Variants in CACNB4 observed in about 807,000 individuals in gnomAD.
CACNB4 encodes calcium voltage-gated channel auxiliary subunit beta 4, also known as voltage-dependent L-type calcium channel subunit beta-4.
CACNB4 carries 32 observed loss-of-function variants against 71.2 expected under a neutral mutation model. The ratio of observed to expected loss-of-function variants is 0.45; its 90% CI spans 0.34 to 0.60. CACNB4 has a LOEUF of 0.60. CACNB4 is among the 20% of genes least tolerant of loss of function. CACNB4 has a pLI of 0.01. For missense variants in CACNB4, 464 were observed against 647.9 expected (o/e 0.72, Z 3.08); for synonymous variants, 231 against 236.9 (o/e 0.97, Z 0.23).
At chr2:151,911,492 T>C (rs770702178) in intron 2 of CACNB4, among the ~76,000 whole-genome samples, 2 of 152,200 alleles carry the variant, frequency 1.3e-5, no homozygotes, top group Non-Finnish European at 2.9e-5. Flanking sequence ...GACTTGCGTA[T>C]GTTGAACCAG....
At chr2:151,956,472 G>A (rs1400069339) in intron 2 of CACNB4, among the ~76,000 whole-genome samples, 4 of 152,204 alleles carry the variant, frequency 2.6e-5, no homozygotes, top group East Asian at 1.9e-4. Flanking sequence ...CCCAATGTAC[G>A]AAATATCCAG....
intron 2 of CACNB4, among the ~76,000 whole-genome samples, chr2:151,954,246 C>T (rs555498732): frequency 1.3e-5 from 2 of 152,256 alleles, no homozygotes; most frequent in African/African-American, 4.8e-5. Context: ...CAAAGGAGAC[C>T]GTCCTATTCC....
intron 2 of CACNB4, among the ~76,000 whole-genome samples, chr2:151,918,941 C>A (rs758318393): frequency 6.6e-6 from 1 of 152,168 alleles, no homozygotes; most frequent in Non-Finnish European, 1.5e-5. Context: ...TCACTGAAAG[C>A]CTTCCTAAAT....
At chr2:152,082,223 T>C (rs1454118186) in intron 2 of CACNB4, among the ~76,000 whole-genome samples, 1 of 152,232 alleles carries the variant, frequency 6.6e-6, no homozygotes, top group Non-Finnish European at 1.5e-5. Flanking sequence ...GAAAGAGTTA[T>C]AAATTCCAGC....
At chr2:151,953,962 TTCTA>T (rs1454020528) in intron 2 of CACNB4, among the ~76,000 whole-genome samples, 13 of 152,208 alleles carry the variant, frequency 8.5e-5, no homozygotes, top group African/African-American at 2.4e-4. Flanking sequence ...TTACAACAAA[TTCTA>T]TCTGTCTTTT....
chr2:151,931,208 C>A (rs2099861545), intron 2 of CACNB4, among the ~76,000 whole-genome samples: 1 of 152,136 alleles, frequency 6.6e-6, no homozygotes, highest in Non-Finnish European at 1.5e-5. Flanking sequence ...TCAAGAATTG[C>A]TAAGGAATCT....
intron 2 of CACNB4, among the ~76,000 whole-genome samples, chr2:152,063,024 G>A (rs1418562473): frequency 6.6e-6 from 1 of 152,196 alleles, no homozygotes; most frequent in Non-Finnish European, 1.5e-5. Flanking sequence ...GACTTGGACA[G>A]AGACAATTCC....
At chr2:151,917,506 T>C (rs942893941) in intron 2 of CACNB4, among the ~76,000 whole-genome samples, 3 of 152,098 alleles carry the variant, frequency 2.0e-5, no homozygotes, top group Non-Finnish European at 4.4e-5. Context: ...TAAAAATATA[T>C]TTGCTACAGT....
chr2:151,934,822 T>A (rs2099862528), intron 2 of CACNB4, among the ~76,000 whole-genome samples: 1 of 152,030 alleles, frequency 6.6e-6, no homozygotes, highest in Non-Finnish European at 1.5e-5. Flanking sequence ...GGCAACAGAG[T>A]GAGACTCCAT....
intron 2 of CACNB4, among the ~76,000 whole-genome samples, chr2:152,039,121 A>G (rs1684745589): frequency 6.6e-6 from 1 of 152,128 alleles, no homozygotes; most frequent in African/African-American, 2.4e-5. Flanking sequence ...GTCTCTACTT[A>G]AGAATCTTAT....
At chr2:151,971,230 T>C (rs1313848276) in intron 2 of CACNB4, 1 of 476,936 alleles carries the variant, frequency 2.1e-6, no homozygotes, top group Non-Finnish European at 3.8e-6. Flanking sequence ...AATAATGGTT[T>C]ACTCTTATTC....
intron 2 of CACNB4, among the ~76,000 whole-genome samples, chr2:151,999,222 G>A (rs1682251967): frequency 6.6e-6 from 1 of 152,030 alleles, no homozygotes; most frequent in Non-Finnish European, 1.5e-5. Context: ...CCAGAACGGT[G>A]CTCCCCTTGG....
intron 2 of CACNB4, chr2:151,971,749 A>C: frequency 1.6e-6 from 1 of 625,452 alleles, no homozygotes; most frequent in Non-Finnish European, 2.9e-6. Context: ...GAGTCAGTTC[A>C]CCCCTCCGAA....
At position 151,892,661 on chromosome 2, in the gene CACNB4, C is replaced by T. The variant is rs118156872; in HGVS notation, c.148-9291G>A. On this transcript the variant is annotated intron_variant, in intron 2 of 13. Transcript: ENST00000539935. ...GAGGTGGCTGAAGACACAATGGAAA[C>T]CACAGTAAAGCATCTACACTTCATT... is the stretch of plus-strand genomic sequence containing the variant. Among the ~76,000 whole-genome samples, 24 of 152,156 alleles carry T rather than the reference C, an allele frequency of 1.6e-4. No homozygotes were observed. The East Asian group carries it at 4.1e-3, about 26-fold the overall frequency.
At chr2:151,857,174 G>T (rs1315558574) in intron 10 of CACNB4, 1 of 152,214 alleles carries the variant, frequency 6.6e-6, no homozygotes, top group Non-Finnish European at 1.5e-5. Context: ...GACAAGGTGT[G>T]CAGGGTCATG....
At chr2:151,944,113 C>T (rs545052631) in intron 2 of CACNB4, among the ~76,000 whole-genome samples, 166 of 150,234 alleles carry the variant, frequency 1.1e-3, no homozygotes, top group African/African-American at 4.0e-3. Context: ...ACTATAGCTT[C>T]GAACACCTGG....
chr2:151,944,288 C>T (rs2099865025), intron 2 of CACNB4, among the ~76,000 whole-genome samples: 1 of 152,082 alleles, frequency 6.6e-6, no homozygotes, highest in Admixed American at 6.6e-5. Flanking sequence ...GATCCTCCCA[C>T]CTCAGCCTCC....
intron 2 of CACNB4, among the ~76,000 whole-genome samples, chr2:151,963,147 C>T (rs1429103826): frequency 4.6e-5 from 7 of 151,826 alleles, no homozygotes; most frequent in African/African-American, 1.2e-4. Flanking sequence ...CCTGTCTCTA[C>T]TAAAAATACA....
chr2:151,870,588 A>G lies in CACNB4; in HGVS notation c.642T>C (p.Asp214=), dbSNP rs886054967. Residue 214 remains aspartate, a synonymous_variant, in exon 8 of 14, where the codon GAT becomes GAC. Transcript: ENST00000539935. ...QKVTEHIPPY[D]VVPSMRPVVL... ...CCACCGGACGCATTGACGGTACAAC[A>G]TCGTAAGGAGGAATGTGCTCCGTCT... The G allele has an allele frequency of 1.9e-6, 3 of 1,613,848 alleles. No individual in the cohort carries two copies. Among genetic ancestry groups the G allele is most frequent in the South Asian group, 1.1e-5 (1 of 91,038 alleles).
Sources: allele counts gnomAD v4.1 joint callset (sites outside exome capture counted in the v4.1 genomes callset), GRCh38; gene constraint gnomAD v4.1.1; transcripts MANE v1.5; gene names NCBI Gene and HGNC (gene_info 2026-07-23, HGNC 2026-07-21).